Variants in SNX25 observed in about 807,000 individuals in gnomAD.
The protein encoded by SNX25 is sorting nexin 25, also known as sorting nexin-25.
A neutral mutation model predicts 113.7 loss-of-function variants in SNX25; 62 were observed. The ratio of observed to expected loss-of-function variants is 0.55; its 90% confidence interval spans 0.44 to 0.67. SNX25 has a LOEUF of 0.67. Among genes scored for constraint, SNX25 ranks in the 30% least tolerant of loss-of-function variants. The probability of loss-of-function intolerance (pLI) is 0.00; values close to 1 mark genes in which losing one functional copy is unlikely to be tolerated. For missense variants in SNX25, 1,014 were observed against 1,161.0 expected (o/e 0.87, Z 1.84); for synonymous variants, 421 against 436.2 (o/e 0.97, Z 0.43).
chr4:185,304,938 C>G (rs1216796770), intron 6 of SNX25, among the ~76,000 whole-genome samples: 1 of 152,166 alleles, frequency 6.6e-6, no homozygotes, highest in Admixed American at 6.5e-5. Context: ...ACCTGAGCAT[C>G]CTGGGCAGAG....
chr4:185,371,571 G>A (rs533490833), downstream of SNX25, among the ~76,000 whole-genome samples: 63 of 150,566 alleles, frequency 4.2e-4, no homozygotes, highest in African/African-American at 1.5e-3. Flanking sequence ...AAAGGATAAT[G>A]GAAAGAAGTC....
In SNX25 at chr4:185,362,073, G is replaced by C. The variant is rs771107565; in HGVS notation, c.2801G>C (p.Arg934Thr). 4.3e-6 allele frequency: 7 copies of C among 1,613,822 alleles called. No individual in the cohort carries two copies. The South Asian group carries it at 5.5e-5, about 13-fold the overall frequency. ...SKEQSQETKQ[R>T]AQQKLLENIP... is the part of the protein sequence containing the mutation. The stretch of plus-strand genomic sequence containing the variant: ...GAGCAAAGTCAGGAAACAAAACAGA[G>C]AGCACAGCAAAAGCTGCTTGAAAAC... Residue 934 changes from arginine (R) to threonine (T), a missense_variant, in exon 17 of 19, where the codon AGA (arginine) becomes ACA (threonine). Coordinates refer to ENST00000652585, the MANE Select transcript of SNX25 (RefSeq NM_001378034.2).
chr4:185,310,657 A>G lies in SNX25; in HGVS notation c.1185A>G (p.Lys395=), dbSNP rs1035339265. 1.9e-6 allele frequency: 3 copies of G among 1,613,344 alleles called. No individual in the cohort carries two copies. The highest frequency in any genetic ancestry group is 3.3e-5 in the Admixed American group (2 of 59,900). ...RHKGKETAAM[K]ADLLRARNMK... is the part of the protein sequence containing the mutation. The stretch of plus-strand genomic sequence containing the variant: ...AAGGTAAAGAAACTGCGGCAATGAA[A>G]GCTGATCTCCTGAGGGCCAGGAACA... Residue 395 remains lysine (K), a synonymous_variant, in exon 7 of 19, where the codon AAA becomes AAG. Transcript: ENST00000652585.
intron 4 of SNX25, 107 bp downstream of exon 4, chr4:185,264,717 A>C: frequency 4.9e-6 from 6 of 1,222,822 alleles, no homozygotes; most frequent in Non-Finnish European, 6.8e-6. Context: ...TATTTTCAAA[A>C]TCTTGTTTAT....
chr4:185,271,102 T>A (rs763296521), intron 5 of SNX25, among the ~76,000 whole-genome samples: 1 of 152,180 alleles, frequency 6.6e-6, no homozygotes, highest in Non-Finnish European at 1.5e-5. Context: ...CAAGGAGTGA[T>A]GGGACACAGG....
chr4:185,238,894 T>A (rs556830967), intron 1 of SNX25, among the ~76,000 whole-genome samples: 2 of 152,248 alleles, frequency 1.3e-5, no homozygotes, highest in African/African-American at 4.8e-5. Context: ...TGGCTCCCAG[T>A]GAGCAGTGTC....
At chr4:185,282,250 C>T (rs1347573919) in intron 5 of SNX25, among the ~76,000 whole-genome samples, 1 of 152,170 alleles carries the variant, frequency 6.6e-6, no homozygotes, top group Non-Finnish European at 1.5e-5. Flanking sequence ...CAACCTCCAC[C>T]TCCCGAGTTC....
intron 15 of SNX25, among the ~76,000 whole-genome samples, chr4:185,355,702 A>C (rs2095335737): frequency 6.6e-6 from 1 of 152,254 alleles, no homozygotes. Flanking sequence ...TATTTGAGAC[A>C]CTTTAAGACA....
At chr4:185,208,669 A>G (rs138813927), upstream of SNX25, among the ~76,000 whole-genome samples, 4 of 152,152 alleles carry the variant, frequency 2.6e-5, no homozygotes, top group African/African-American at 9.6e-5. Flanking sequence ...CAGAGATTGC[A>G]GTGAGCCGAG....
downstream of SNX25, chr4:185,373,062 G>A (rs750009452): frequency 2.0e-5 from 32 of 1,606,808 alleles, no homozygotes; most frequent in African/African-American, 2.9e-4. Flanking sequence ...CACATGCTTC[G>A]GAATGCCAGT....
chr4:185,251,621 G>GTGTGTA (rs1247764974), intron 2 of SNX25, among the ~76,000 whole-genome samples: 74 of 106,586 alleles, frequency 6.9e-4, no homozygotes, highest in Admixed American at 2.3e-3. Flanking sequence ...GTGTGTGTGT[G>GTGTGTA]TGTGTGTGTG....
chr4:185,372,601 G>A (rs180699276), downstream of SNX25, among the ~76,000 whole-genome samples: 4 of 152,290 alleles, frequency 2.6e-5, no homozygotes, highest in East Asian at 3.9e-4. Flanking sequence ...TAGTGTGATC[G>A]TATCAAGAGG....
At chr4:185,358,798 A>C (rs2126755530) in intron 16 of SNX25, among the ~76,000 whole-genome samples, 1 of 152,362 alleles carries the variant, frequency 6.6e-6, no homozygotes, top group Middle Eastern at 3.4e-3. Context: ...AATATGAGTC[A>C]ACGTCTAGAA....
At chr4:185,241,276 G>T (rs975040534) in intron 1 of SNX25, among the ~76,000 whole-genome samples, 4 of 152,116 alleles carry the variant, frequency 2.6e-5, no homozygotes, top group African/African-American at 9.7e-5. Context: ...AGGAGCTGGA[G>T]ACCAGCCCGG....
intron 5 of SNX25, among the ~76,000 whole-genome samples, chr4:185,285,145 C>T (rs1329114731): frequency 6.6e-6 from 1 of 152,140 alleles, no homozygotes; most frequent in African/African-American, 2.4e-5. Flanking sequence ...GTAGCCCTGG[C>T]TCATATATAC....
At chr4:185,318,965 T>C (rs949558527) in intron 7 of SNX25, among the ~76,000 whole-genome samples, 2 of 152,190 alleles carry the variant, frequency 1.3e-5, no homozygotes, top group Non-Finnish European at 2.9e-5. Flanking sequence ...TTGCCTTATC[T>C]TATGTAAAGT....
chr4:185,227,220 T>A (rs1179996882), intron 1 of SNX25, among the ~76,000 whole-genome samples: 2 of 152,266 alleles, frequency 1.3e-5, no homozygotes, highest in Non-Finnish European at 2.9e-5. Context: ...TACCCGTTGT[T>A]GGCATGGGGG....
At chr4:185,300,324 A>ATTT (rs557323613) in intron 6 of SNX25, among the ~76,000 whole-genome samples, 1 of 135,228 alleles carries the variant, frequency 7.4e-6, no homozygotes, top group Non-Finnish European at 1.6e-5. Context: ...ACACCCAGCT[A>ATTT]TTTTTTTTTT....
downstream of SNX25, among the ~76,000 whole-genome samples, chr4:185,371,750 T>A (rs1002229852): frequency 3.9e-5 from 6 of 152,276 alleles, no homozygotes; most frequent in East Asian, 1.2e-3. Context: ...GGGCACTTGC[T>A]TTGAGACACT....
Sources: gnomAD v4.1 joint callset for allele counts (sites outside exome capture counted in the v4.1 genomes callset) on GRCh38, gnomAD v4.1.1 for gene constraint, MANE v1.5 for transcripts, NCBI Gene and HGNC (gene_info 2026-07-23, HGNC 2026-07-21) for gene names.